DRG2: variants seen among roughly 807,000 people sequenced by gnomAD.
DRG2 encodes the protein developmentally-regulated GTP-binding protein 2.
In DRG2, 36 loss-of-function variants were observed where a neutral mutation model predicts 53.4. The ratio of observed to expected loss-of-function variants is 0.67; its 90% CI spans 0.52 to 0.89. DRG2 has a LOEUF of 0.89. Ranked by LOEUF, DRG2 falls within the 40% of genes least tolerant of loss-of-function variation. The probability of loss-of-function intolerance (pLI) is 0.00; values close to 1 mark genes in which losing one functional copy is unlikely to be tolerated. For synonymous variants in DRG2, 167 were observed against 192.1 expected, an observed-to-expected ratio of 0.87 and a Z score of 1.08; for missense variants, 342 against 481.2, an observed-to-expected ratio of 0.71 and a Z score of 2.71.
chr17:18,098,872 C>T lies in DRG2; in HGVS notation c.316-145C>T. ...GGTCTGCACTGGGCTGGGGTGGTGA[C>T]AAGGCTCAGACTTGGCCACAGGTTG... On this transcript the variant is annotated intron_variant, in intron 3 of 12. Transcript: ENST00000225729. The surrounding 1 kb of genome is among the most constrained non-coding windows in gnomAD (Gnocchi z 4.1). 1.2e-6 allele frequency: 1 copy of T among 850,452 alleles called. No homozygotes were observed. The highest frequency in any genetic ancestry group is 1.7e-5 in the South Asian group (1 of 59,534). 52.7% of individuals were successfully genotyped at this position (850,452 alleles called of 1,614,324 possible).
rs2045480551 is a variant in DRG2 at position 18,099,011 on chromosome 17, T to C, written c.316-6T>C. 1.2e-6 allele frequency: 2 copies of C among 1,614,076 alleles called. No individual in the cohort carries two copies. The highest frequency in any genetic ancestry group is 4.5e-5 in the East Asian group (2 of 44,876). On this transcript the variant is annotated splice_polypyrimidine_tract_variant and splice_region_variant and intron_variant, in intron 3 of 12. Transcript: ENST00000225729. The surrounding 1 kb of genome is among the most constrained non-coding windows in gnomAD (Gnocchi z 4.4). ...TGCCTTACCTTTCTTCTCTTCTGCA[T>C]CCTAGTACAAAGGTGCCAACATCCA...
Position 18,089,963 on chromosome 17 carries a change from T to A in DRG2, c.64+1876T>A, listed in dbSNP as rs1054450767. ...AGGGTGTTAAGCAGGGGAGGGGCTA[T>A]TCTGACTTCTGTCTTGAAAGTTCCC... On this transcript the variant is annotated intron_variant, in intron 1 of 12. Transcript: ENST00000225729. 3.9e-5 allele frequency among the ~76,000 whole-genome samples: 6 copies of A among 152,208 alleles called. No individual in the cohort carries two copies. In the East Asian group the frequency reaches 9.7e-4, roughly 25 times the overall value.
At chr17:18,104,594 G>C in intron 10 of DRG2, 29 bp from the exon 11 acceptor site, 1 of 1,613,652 alleles carries the variant, frequency 6.2e-7, no homozygotes, top group Non-Finnish European at 8.5e-7. Context: ...CTGATGTGTG[G>C]CTGACGTTCT....
rs969768712 is a variant in DRG2, at chr17:18,088,164, G to A, written c.64+77G>A. 10 of 1,474,698 alleles carry A rather than the reference G, an allele frequency of 6.8e-6. No individual in the cohort carries two copies. In the Admixed American group the frequency reaches 1.8e-4, roughly 27 times the overall value. 91.4% of individuals were successfully genotyped at this position (1,474,698 alleles called of 1,614,324 possible). A position where few individuals can be genotyped will look rare whatever the true frequency, so the allele number is the denominator to read the frequency against. ...TCTGTAAAATGGGGGAACAACTCCA[G>A]CAGTAATGCTGGGGCAAGATCCGAG... On this transcript the variant is annotated intron_variant, in intron 1 of 12. Coordinates refer to ENST00000225729, the MANE Select transcript of DRG2 (RefSeq NM_001388.5).
intron 2 of DRG2, among the ~76,000 whole-genome samples, chr17:18,094,835 G>GCA: frequency 6.6e-6 from 1 of 151,504 alleles, no homozygotes; most frequent in African/African-American, 2.4e-5. Flanking sequence ...TTAGCCAGGG[G>GCA]TGGTGGCGCA....
Position 18,107,267 on chromosome 17 carries a change from C to T in DRG2, c.*27C>T. On this transcript the variant is annotated 3_prime_UTR_variant, in exon 13 of 13. Transcript: ENST00000225729. ...GGCGCCTGCCGGGCCTCCCGCCCAC[C>T]TGCCTCGTCTCCCTGGGGAGGTGGT... 4.4e-6 allele frequency: 7 copies of T among 1,608,862 alleles called. No homozygotes were observed. Among genetic ancestry groups the T allele is most frequent in the Non-Finnish European group, 5.9e-6 (7 of 1,177,850 alleles).
intron 9 of DRG2, among the ~76,000 whole-genome samples, chr17:18,102,889 G>A (rs2045565464): frequency 6.6e-6 from 1 of 152,200 alleles, no homozygotes; most frequent in South Asian, 2.1e-4. Flanking sequence ...CCTCTTTGGG[G>A]CAGACTGATT....
intron 11 of DRG2, among the ~76,000 whole-genome samples, 171 bp downstream of exon 11, chr17:18,104,852 C>T (rs1341558059): frequency 6.6e-6 from 1 of 152,204 alleles, no homozygotes; most frequent in Non-Finnish European, 1.5e-5. Context: ...AGCACCCCTT[C>T]TTAGCCATGT....
In DRG2 at chr17:18,103,007, C is replaced by T. The variant is rs2045567044; in HGVS notation, c.807-794C>T. Among the ~76,000 whole-genome samples the T allele has an allele frequency of 1.3e-5, 2 of 152,140 alleles. No homozygotes were observed. Among genetic ancestry groups the T allele is most frequent in the Non-Finnish European group, 1.5e-5 (1 of 68,040 alleles). On this transcript the variant is annotated intron_variant, in intron 9 of 12. Coordinates refer to ENST00000225729, the MANE Select transcript of DRG2 (RefSeq NM_001388.5). This position sits in a 1 kb window ranked among gnomAD's most constrained non-coding sequence, Gnocchi z 4.4. ...GCTCAGGGACCAAGAGGCTGGACAG[C>T]GCAAATGATGGATGAGGGTCCCGGC...
intron 11 of DRG2, 117 bp downstream of exon 11, chr17:18,104,798 G>A: frequency 2.0e-6 from 3 of 1,528,754 alleles, no homozygotes; most frequent in Non-Finnish European, 2.7e-6. Flanking sequence ...ACTCTCAGAT[G>A]TCAACGCAGG....
intron 12 of DRG2, among the ~76,000 whole-genome samples, chr17:18,106,687 G>GTTTTTT (rs10566746): frequency 1.4e-5 from 1 of 69,550 alleles, no homozygotes; most frequent in Admixed American, 1.8e-4. Flanking sequence ...TTTTTTTCTG[G>GTTTTTT]TTTTTTTTTT....
intron 1 of DRG2, among the ~76,000 whole-genome samples, chr17:18,088,324 C>G (rs1248203317): frequency 2.0e-5 from 3 of 152,230 alleles, no homozygotes; most frequent in African/African-American, 7.2e-5. Context: ...GACCGTGTGC[C>G]CGAGTAGAGT....
chr17:18,097,255 C>T (rs2045449750), intron 2 of DRG2: 2 of 152,246 alleles, frequency 1.3e-5, no homozygotes, highest in African/African-American at 4.8e-5. Flanking sequence ...CCAGGAGATC[C>T]CCAAGGCTGA....
In DRG2 at chr17:18,099,533, G is replaced by A; in HGVS notation, c.377-100G>A. On this transcript the variant is annotated intron_variant, in intron 4 of 12. Coordinates refer to ENST00000225729, the MANE Select transcript of DRG2 (RefSeq NM_001388.5). This position sits in a 1 kb window ranked among gnomAD's most constrained non-coding sequence, Gnocchi z 4.4. ...AAGCTTGTGCTAGTATGTGGCAGAG[G>A]CTGTGGTAGGTCTGTAAAGGACAGG... 1 of 1,187,676 alleles carries A rather than the reference G, an allele frequency of 8.4e-7. No homozygotes were observed. Among genetic ancestry groups the A allele is most frequent in the Admixed American group, 2.0e-5 (1 of 50,536 alleles). 73.6% of individuals were successfully genotyped at this position (1,187,676 alleles called of 1,614,324 possible).
At chr17:18,102,680 A>G (rs571085053) in intron 9 of DRG2, among the ~76,000 whole-genome samples, 1 of 151,942 alleles carries the variant, frequency 6.6e-6, no homozygotes, top group African/African-American at 2.4e-5. Flanking sequence ...GGTCCCCCCA[A>G]GAAGCCCTGG....
intron 2 of DRG2, chr17:18,096,854 C>T (rs1448734860): frequency 6.6e-6 from 1 of 152,228 alleles, no homozygotes; most frequent in Non-Finnish European, 1.5e-5. Context: ...ACCCAGTTTC[C>T]ATTGCTCTGG....
At chr17:18,095,136 C>T (rs891522028) in intron 2 of DRG2, among the ~76,000 whole-genome samples, 1 of 151,546 alleles carries the variant, frequency 6.6e-6, no homozygotes, top group African/African-American at 2.4e-5. Context: ...ATCAGCCTCC[C>T]GAGTAGCTGG....
At chr17:18,088,108 G>T in intron 1 of DRG2, 21 bp downstream of exon 1, 9 of 1,537,472 alleles carry the variant, frequency 5.9e-6, no homozygotes, top group Non-Finnish European at 7.9e-6. Context: ...GCCGGGCGGG[G>T]CCTTCCTTTC....
chr17:18,107,128 C>A, intron 12 of DRG2, 26 bp from the exon 13 acceptor site: 2 of 1,610,688 alleles, frequency 1.2e-6, no homozygotes, highest in Non-Finnish European at 1.7e-6. Flanking sequence ...GCTGAGGTGA[C>A]CCCTCTGCCC....
Sources: allele counts gnomAD v4.1 joint callset (sites outside exome capture counted in the v4.1 genomes callset), GRCh38; gene constraint gnomAD v4.1.1; non-coding constraint Gnocchi (gnomAD v3.1); transcripts MANE v1.5; gene names NCBI Gene and HGNC (gene_info 2026-07-23, HGNC 2026-07-21).